RAPGEF2: variants seen among roughly 807,000 people sequenced by gnomAD.
The protein encoded by RAPGEF2 is PDZ domain containing guanine nucleotide exchange factor (GEF) 1.
A neutral mutation model predicts 186.7 loss-of-function variants in RAPGEF2; 54 were observed. The ratio of observed to expected loss-of-function variants is 0.29; its 90% CI spans 0.23 to 0.36. The LOEUF (loss-of-function observed/expected upper bound fraction) is 0.36. Among genes scored for constraint, RAPGEF2 ranks in the 10% least tolerant of loss-of-function variants. The pLI, the probability that RAPGEF2 is intolerant of heterozygous loss-of-function variation, is 1.00. For synonymous variants in RAPGEF2, 712 were observed against 705.9 expected (o/e 1.01, Z -0.14); for missense variants, 1,532 against 2,045.0 (o/e 0.75, Z 4.84).
rs1427256244 is a variant in RAPGEF2 at position 159,299,072 on chromosome 4, A to AC, written c.544-5269dup. 2.0e-5 allele frequency among the ~76,000 whole-genome samples: 3 copies of AC among 152,124 alleles called. No individual in the cohort carries two copies. The East Asian group carries it at 5.8e-4, about 29-fold the overall frequency. On this transcript the variant is annotated intron_variant, in intron 7 of 29. Transcript: ENST00000691494. ...AGAGATTAAAAACGTGAACATAAAG[A>AC]CTCAAAACCCTGACAATGATATGGG...
intron 7 of RAPGEF2, among the ~76,000 whole-genome samples, chr4:159,251,553 T>G (rs1292050222): frequency 6.6e-6 from 1 of 152,114 alleles, no homozygotes; most frequent in African/African-American, 2.4e-5. Context: ...GCGAGAGGAT[T>G]GTAAATGCAC....
chr4:159,270,422 A>G (rs1757977491), intron 7 of RAPGEF2, among the ~76,000 whole-genome samples: 1 of 152,240 alleles, frequency 6.6e-6, no homozygotes, highest in Non-Finnish European at 1.5e-5. Context: ...AATAGAATTT[A>G]TTAAATTCAC....
chr4:159,341,458 A>G (rs1183759729), intron 19 of RAPGEF2, 106 bp from the exon 20 acceptor site: 8 of 1,166,760 alleles, frequency 6.9e-6, no homozygotes, highest in Admixed American at 2.8e-5. Flanking sequence ...CATAATTCAA[A>G]TCAGTGCTCT....
At chr4:159,135,341 T>C (rs896112698) in intron 1 of RAPGEF2, among the ~76,000 whole-genome samples, 2 of 152,152 alleles carry the variant, frequency 1.3e-5, no homozygotes, top group Admixed American at 1.3e-4. Flanking sequence ...TCATTGCGCC[T>C]GGCCCAGTTC....
intron 1 of RAPGEF2, chr4:159,128,777 T>C (rs1462376590): frequency 2.0e-5 from 3 of 149,972 alleles, no homozygotes; most frequent in Admixed American, 2.0e-4. Flanking sequence ...TCATTTTATT[T>C]AAATAAAGAA....
chr4:159,254,692 C>T (rs1755927566), intron 7 of RAPGEF2, among the ~76,000 whole-genome samples: 1 of 151,532 alleles, frequency 6.6e-6, no homozygotes, highest in South Asian at 2.1e-4. Context: ...CACTGCAACC[C>T]CTGTCTTCTG....
chr4:159,159,662 C>T (rs1440149681), intron 1 of RAPGEF2, among the ~76,000 whole-genome samples: 1 of 152,140 alleles, frequency 6.6e-6, no homozygotes, highest in East Asian at 1.9e-4. Context: ...ATTATTCATA[C>T]ACATATTACA....
intron 26 of RAPGEF2, among the ~76,000 whole-genome samples, chr4:159,352,062 T>TA: frequency 6.6e-6 from 1 of 152,370 alleles, no homozygotes; most frequent in Middle Eastern, 3.4e-3. Context: ...TCTGTTTAGA[T>TA]ATTCTATAGT....
intron 7 of RAPGEF2, among the ~76,000 whole-genome samples, chr4:159,301,167 G>A (rs1203428216): frequency 6.6e-6 from 1 of 152,178 alleles, no homozygotes; most frequent in African/African-American, 2.4e-5. Context: ...GAGGCCAGCA[G>A]TTTGAGACCA....
chr4:159,192,113 T>A (rs1285230026), intron 2 of RAPGEF2, among the ~76,000 whole-genome samples: 1 of 152,228 alleles, frequency 6.6e-6, no homozygotes, highest in East Asian at 1.9e-4. Context: ...TTAATGCTTT[T>A]GGCTACCATC....
intron 1 of RAPGEF2, among the ~76,000 whole-genome samples, chr4:159,114,890 G>A (rs1401366350): frequency 1.3e-5 from 2 of 152,132 alleles, no homozygotes; most frequent in Non-Finnish European, 2.9e-5. Context: ...TGTTTAAAAA[G>A]TCTAGTCAGA....
At chr4:159,317,567 C>T (rs1273950486) in intron 9 of RAPGEF2, among the ~76,000 whole-genome samples, 7 of 152,132 alleles carry the variant, frequency 4.6e-5, no homozygotes, top group African/African-American at 7.2e-5. Flanking sequence ...TTTCTGATAT[C>T]GCGTGTTGAT....
At chr4:159,188,350 C>T (rs1747759668) in intron 2 of RAPGEF2, among the ~76,000 whole-genome samples, 1 of 151,792 alleles carries the variant, frequency 6.6e-6, no homozygotes, top group East Asian at 1.9e-4. Context: ...TTTATACTTA[C>T]AGAAATTTTC....
chr4:159,320,524 G>A (rs1040509265), intron 9 of RAPGEF2, among the ~76,000 whole-genome samples: 2 of 152,148 alleles, frequency 1.3e-5, no homozygotes, highest in African/African-American at 2.4e-5. Flanking sequence ...ATCTGAGTCA[G>A]TTTGTGCAAC....
At chr4:159,263,570 G>A (rs1456331046) in intron 7 of RAPGEF2, among the ~76,000 whole-genome samples, 4 of 152,112 alleles carry the variant, frequency 2.6e-5, no homozygotes, top group Non-Finnish European at 5.9e-5. Flanking sequence ...GTGGTATTAA[G>A]AAACTTAGAA....
intron 1 of RAPGEF2, among the ~76,000 whole-genome samples, chr4:159,105,247 A>G (rs755308847): frequency 6.6e-6 from 1 of 152,242 alleles, no homozygotes; most frequent in Admixed American, 6.5e-5. Context: ...CTTAAGACAA[A>G]TAAGCCCTCC....
At chr4:159,289,788 C>A (rs2110947882) in intron 7 of RAPGEF2, among the ~76,000 whole-genome samples, 1 of 152,190 alleles carries the variant, frequency 6.6e-6, no homozygotes, top group South Asian at 2.1e-4. Context: ...GAGGAGGGTT[C>A]AGAGAATTAG....
rs114416297 is a variant in RAPGEF2 at position 159,245,588 on chromosome 4, G to A, written c.543+1797G>A. On this transcript the variant is annotated intron_variant, in intron 7 of 29. Coordinates refer to ENST00000691494, the MANE Select transcript of RAPGEF2 (RefSeq NM_001394067.2). ...ATGTTTATTTTACCCATAGTTTCAA[G>A]CCTTCTCTGTATTGATCAGTAATTT... Among the ~76,000 whole-genome samples, 518 of 152,110 alleles carry A rather than the reference G, an allele frequency of 3.4e-3. 4 individuals are homozygous for A. The highest frequency in any genetic ancestry group is 0.012 in the African/African-American group (500 of 41,544).
rs1254168605 is a variant in RAPGEF2 at position 159,310,351 on chromosome 4, C to G, written c.676-4240C>G. On this transcript the variant is annotated intron_variant, in intron 8 of 29. Transcript: ENST00000691494. ...AAGAGCTTTAAAAAATTGTTCTTCTCTTTTAGGCATATATATGCTTTTAAT... is the reference window on the plus strand; with the variant it reads ...AAGAGCTTTAAAAAATTGTTCTTCTGTTTTAGGCATATATATGCTTTTAAT... Among the ~76,000 whole-genome samples, 10 of 152,070 alleles carry G rather than the reference C, an allele frequency of 6.6e-5. 1 individual carries two copies. Among genetic ancestry groups the G allele is most frequent in the Admixed American group, 6.6e-4 (10 of 15,254 alleles).
Sources: gnomAD v4.1 joint callset for allele counts (sites outside exome capture counted in the v4.1 genomes callset) on GRCh38, gnomAD v4.1.1 for gene constraint, MANE v1.5 for transcripts, NCBI Gene and HGNC (gene_info 2026-07-23, HGNC 2026-07-21) for gene names.